The following TAF4B variants were observed in gnomAD, a reference collection of about 807,000 sequenced individuals.
TAF4B encodes the protein TATA-box binding protein associated factor 4b.
A neutral mutation model predicts 86.4 loss-of-function variants in TAF4B; 38 were observed. The observed-to-expected ratio is 0.44, with a 90% CI of 0.34 to 0.58. The LOEUF is 0.58. Ranked by LOEUF, TAF4B falls within the 20% of genes least tolerant of loss-of-function variation. TAF4B has a pLI of 0.02. For synonymous variants in TAF4B, 388 were observed against 391.2 expected (o/e 0.99, Z 0.10); for missense variants, 988 against 1,027.6 (o/e 0.96, Z 0.53).
Position 26,282,057 on chromosome 18 carries a change from T to A in TAF4B, c.969T>A (p.Leu323=), listed in dbSNP as rs1416721285. The change falls in exon 6 of 15, where the codon CTT becomes CTA. Residue 323 remains leucine, a synonymous_variant. Transcript: ENST00000269142. The part of the protein sequence containing the change: ...SSPQPHLVPF[L]KKSVVALRQL... Reference sequence around the variant, plus strand: ...CTCAGCCTCACCTGGTTCCTTTTCTTAAGGTAGAGTTATGTGTCACTTAGA... The same window carrying A: ...CTCAGCCTCACCTGGTTCCTTTTCTAAAGGTAGAGTTATGTGTCACTTAGA... 11 of 1,606,706 alleles carry A rather than the reference T, an allele frequency of 6.8e-6. No homozygotes were observed. The highest frequency in any genetic ancestry group is 9.4e-6 in the Non-Finnish European group (11 of 1,174,520).
At chr18:26,249,137 A>G (rs2055965664) in intron 1 of TAF4B, among the ~76,000 whole-genome samples, 1 of 146,138 alleles carries the variant, frequency 6.8e-6, no homozygotes, top group Non-Finnish European at 1.5e-5. Context: ...GTGCCACTGC[A>G]CTCCAATCTG....
At chr18:26,349,822 C>T (rs957666650) in intron 13 of TAF4B, among the ~76,000 whole-genome samples, 5 of 152,136 alleles carry the variant, frequency 3.3e-5, no homozygotes, top group African/African-American at 1.2e-4. Flanking sequence ...AAACTGTAGT[C>T]ACCGAAATAG....
intron 1 of TAF4B, among the ~76,000 whole-genome samples, chr18:26,250,527 A>T (rs1001896601): frequency 4.6e-5 from 7 of 151,240 alleles, no homozygotes; most frequent in Admixed American, 1.3e-4. Context: ...TTTTTTTTGT[A>T]GAGATGGGGT....
intron 1 of TAF4B, 36 bp from the exon 2 acceptor site, chr18:26,265,134 G>T (rs1294929017): frequency 6.3e-7 from 1 of 1,597,120 alleles, no homozygotes; most frequent in Non-Finnish European, 8.5e-7. Context: ...GTATTTAGTG[G>T]CTCAGAGGTC....
At chr18:26,372,187 A>G (rs546194604) in intron 14 of TAF4B, among the ~76,000 whole-genome samples, 1 of 152,304 alleles carries the variant, frequency 6.6e-6, no homozygotes, top group South Asian at 2.1e-4. Context: ...GAGAAAGTAA[A>G]ATGGAAGCTA....
intron 9 of TAF4B, among the ~76,000 whole-genome samples, chr18:26,299,182 GCA>G (rs2056701832): frequency 6.6e-6 from 1 of 151,706 alleles, no homozygotes; most frequent in African/African-American, 2.4e-5. Context: ...CTTTTTTAAG[GCA>G]CAGTGCTCTA....
chr18:26,327,388 G>A (rs779841371), intron 12 of TAF4B, among the ~76,000 whole-genome samples: 1 of 152,094 alleles, frequency 6.6e-6, no homozygotes, highest in Non-Finnish European at 1.5e-5. Context: ...TCAAACCCAG[G>A]TAAAATGTTT....
intron 5 of TAF4B, among the ~76,000 whole-genome samples, chr18:26,278,572 G>A (rs2056410265): frequency 1.3e-5 from 2 of 150,718 alleles, no homozygotes; most frequent in African/African-American, 4.9e-5. Context: ...GCCCGCCAAA[G>A]TACTGGGATT....
intron 1 of TAF4B, among the ~76,000 whole-genome samples, chr18:26,252,179 A>C (rs1000750458): frequency 6.6e-6 from 1 of 152,224 alleles, no homozygotes; most frequent in Non-Finnish European, 1.5e-5. Flanking sequence ...TGTTGAAAGT[A>C]ATTAAAGTAT....
chr18:26,309,621 A>G (rs1173872649), intron 9 of TAF4B, among the ~76,000 whole-genome samples: 1 of 152,056 alleles, frequency 6.6e-6, no homozygotes, highest in African/African-American at 2.4e-5. Context: ...AATTTTTGTT[A>G]AAGTATGTTA....
intron 13 of TAF4B, among the ~76,000 whole-genome samples, chr18:26,351,239 CTTATG>C (rs1385579760): frequency 3.9e-5 from 6 of 151,976 alleles, no homozygotes; most frequent in African/African-American, 9.7e-5. Flanking sequence ...AACTGGAGGA[CTTATG>C]TTAAGTAAAG....
rs955479864 is a variant in TAF4B at position 26,265,753 on chromosome 18, G to A, written c.489+438G>A. Among the ~76,000 whole-genome samples, 5 of 152,136 alleles carry A rather than the reference G, an allele frequency of 3.3e-5. No individual in the cohort carries two copies. The South Asian group carries it at 1.0e-3, about 32-fold the overall frequency. On this transcript the variant is annotated intron_variant, in intron 2 of 14. Transcript: ENST00000269142. The stretch of plus-strand genomic sequence containing the variant: ...ATTTTATTTTTTGCACAGGTAGCAT[G>A]TCGCTTTGTTGCTCAGGCTGGTCTT...
At chr18:26,257,594 CTA>C (rs2056102779) in intron 1 of TAF4B, among the ~76,000 whole-genome samples, 1 of 151,894 alleles carries the variant, frequency 6.6e-6, no homozygotes, top group Non-Finnish European at 1.5e-5. Context: ...CTTTTGTTTC[CTA>C]TATGTTTCTT....
intron 6 of TAF4B, among the ~76,000 whole-genome samples, chr18:26,285,603 A>G (rs1257898028): frequency 6.6e-6 from 1 of 152,176 alleles, no homozygotes; most frequent in African/African-American, 2.4e-5. Flanking sequence ...GATTATAGAA[A>G]AGTATAATAC....
rs747215294 is a variant in TAF4B, at chr18:26,318,278, TCAG to T, written c.2003-2791_2003-2789del. On this transcript the variant is annotated intron_variant, in intron 10 of 14. Transcript: ENST00000269142. ...TTGAACTCCTGGTCTTAAATCATTTTCAGTTCTTAGTGATGAAGTACAAACCTG... is the reference window on the plus strand; with the variant it reads ...TTGAACTCCTGGTCTTAAATCATTTTTTCTTAGTGATGAAGTACAAACCTG... Among the ~76,000 whole-genome samples the T allele has an allele frequency of 4.6e-5, 7 of 152,282 alleles. No individual in the cohort carries two copies. In the East Asian group the frequency reaches 1.2e-3, roughly 25 times the overall value.
intron 9 of TAF4B, among the ~76,000 whole-genome samples, chr18:26,301,454 C>CT (rs1405059687): frequency 1.3e-5 from 2 of 151,796 alleles, no homozygotes; most frequent in African/African-American, 4.8e-5. Flanking sequence ...GCCTAGCTAG[C>CT]TTTTTTTAAA....
chr18:26,270,821 C>G (rs1290437695), intron 3 of TAF4B, among the ~76,000 whole-genome samples: 2 of 152,154 alleles, frequency 1.3e-5, no homozygotes, highest in Non-Finnish European at 2.9e-5. Context: ...ATGTAGGCTT[C>G]AAACTACAGA....
At chr18:26,263,111 T>A (rs1264507696) in intron 1 of TAF4B, among the ~76,000 whole-genome samples, 1 of 152,168 alleles carries the variant, frequency 6.6e-6, no homozygotes, top group Admixed American at 6.5e-5. Flanking sequence ...CCCACTGCAT[T>A]TGGCTAATTA....
At chr18:26,363,562 A>C (rs1028831499) in intron 14 of TAF4B, among the ~76,000 whole-genome samples, 1 of 151,940 alleles carries the variant, frequency 6.6e-6, no homozygotes, top group Non-Finnish European at 1.5e-5. Flanking sequence ...AATAAAAGAA[A>C]AAAGGAGAGA....
Sources: gnomAD v4.1 joint callset for allele counts (sites outside exome capture counted in the v4.1 genomes callset) on GRCh38, gnomAD v4.1.1 for gene constraint, MANE v1.5 for transcripts, NCBI Gene and HGNC (gene_info 2026-07-23, HGNC 2026-07-21) for gene names.